The following ADAM22 variants were observed in gnomAD, a reference collection of about 807,000 sequenced individuals.
The protein encoded by ADAM22 is ADAM metallopeptidase domain 22, also known as disintegrin and metalloproteinase domain-containing protein 22.
Under a neutral mutation model 144.6 loss-of-function variants are expected in ADAM22, and 65 were observed. The ratio of observed to expected loss-of-function variants is 0.45; its 90% confidence interval spans 0.37 to 0.55. ADAM22 has a LOEUF of 0.55. Among genes scored for constraint, ADAM22 ranks in the 20% least tolerant of loss-of-function variants. The pLI is 0.00. For missense variants in ADAM22, 974 were observed against 1,184.9 expected, an observed-to-expected ratio of 0.82 and a Z score of 2.61; for synonymous variants, 391 against 412.6, an observed-to-expected ratio of 0.95 and a Z score of 0.63.
intron 26 of ADAM22, among the ~76,000 whole-genome samples, chr7:88,174,264 G>A (rs931287925): frequency 5.3e-5 from 8 of 151,784 alleles, no homozygotes; most frequent in African/African-American, 7.3e-5. Context: ...GCAGACCCAC[G>A]TTTTTTTTCT....
At chr7:88,021,071 TC>T (rs1797718580) in intron 3 of ADAM22, among the ~76,000 whole-genome samples, 1 of 152,184 alleles carries the variant, frequency 6.6e-6, no homozygotes, top group African/African-American at 2.4e-5. Flanking sequence ...CTAATTTTTC[TC>T]CTCTTATCTT....
At chr7:87,968,972 A>G (rs1235343263) in intron 2 of ADAM22, among the ~76,000 whole-genome samples, 1 of 152,134 alleles carries the variant, frequency 6.6e-6, no homozygotes, top group African/African-American at 2.4e-5. Flanking sequence ...GATGCTACAC[A>G]CTTTTAAACA....
chr7:88,159,118 A>G (rs181783120), intron 22 of ADAM22, among the ~76,000 whole-genome samples: 4 of 152,216 alleles, frequency 2.6e-5, no homozygotes, highest in African/African-American at 9.6e-5. Context: ...AGAGACTACT[A>G]CGAACACCTG....
chr7:88,024,279 T>C (rs1366819458), intron 3 of ADAM22, among the ~76,000 whole-genome samples: 3 of 152,216 alleles, frequency 2.0e-5, no homozygotes, highest in Non-Finnish European at 2.9e-5. Context: ...TTCTCCATAG[T>C]GGTCATACTA....
intron 3 of ADAM22, among the ~76,000 whole-genome samples, chr7:88,050,339 G>A (rs1370972783): frequency 1.3e-5 from 2 of 151,498 alleles, no homozygotes; most frequent in Admixed American, 6.6e-5. Flanking sequence ...GCTGCAGTGA[G>A]CCATGATTGT....
chr7:87,936,856 T>TTA (rs35158571), intron 2 of ADAM22, among the ~76,000 whole-genome samples: 20,476 of 148,790 alleles, frequency 0.14, 1,839 homozygotes, highest in Non-Finnish European at 0.2. Flanking sequence ...TGTATATATA[T>TTA]TATATATATA....
At chr7:88,068,459 A>G (rs904590569) in intron 3 of ADAM22, among the ~76,000 whole-genome samples, 1 of 152,140 alleles carries the variant, frequency 6.6e-6, no homozygotes, top group African/African-American at 2.4e-5. Flanking sequence ...GATTATAATC[A>G]TATTTGAAGT....
chr7:88,068,727 G>A (rs549045215), intron 3 of ADAM22, among the ~76,000 whole-genome samples: 3 of 152,266 alleles, frequency 2.0e-5, no homozygotes, highest in African/African-American at 7.2e-5. Context: ...CCTCAATCAC[G>A]TGTTTGGAAA....
chr7:88,009,922 A>G (rs902900620), intron 3 of ADAM22, among the ~76,000 whole-genome samples: 1 of 152,196 alleles, frequency 6.6e-6, no homozygotes, highest in East Asian at 1.9e-4. Flanking sequence ...TTTACTGTAC[A>G]CAATAGTGAT....
At chr7:87,965,592 A>G (rs1249931198) in intron 2 of ADAM22, among the ~76,000 whole-genome samples, 3 of 152,234 alleles carry the variant, frequency 2.0e-5, no homozygotes, top group African/African-American at 7.2e-5. Flanking sequence ...ATTTTGTACA[A>G]CATTATTTCC....
At chr7:88,151,089 G>C in intron 19 of ADAM22, 58 bp downstream of exon 19, 1 of 1,568,370 alleles carries the variant, frequency 6.4e-7, no homozygotes, top group East Asian at 2.2e-5. Flanking sequence ...AAGGAATACT[G>C]AAATCTTATC....
chr7:88,189,466 C>G (rs953047746), intron 30 of ADAM22, among the ~76,000 whole-genome samples: 17 of 152,218 alleles, frequency 1.1e-4, no homozygotes, highest in Middle Eastern at 3.4e-3. Context: ...TTCTTATTAC[C>G]TTTCTGTAGA....
chr7:88,087,812 T>A (rs1343599917), intron 4 of ADAM22, among the ~76,000 whole-genome samples: 1 of 152,206 alleles, frequency 6.6e-6, no homozygotes, highest in Non-Finnish European at 1.5e-5. Flanking sequence ...TAGGATTAGA[T>A]TCCTAATCCT....
intron 2 of ADAM22, among the ~76,000 whole-genome samples, chr7:87,955,957 C>T (rs1034859557): frequency 1.4e-4 from 21 of 152,320 alleles, no homozygotes; most frequent in South Asian, 4.1e-4. Context: ...TCTCCTGGTG[C>T]GCCGTTTCCT....
At chr7:88,096,598 T>A (rs1451117530) in intron 4 of ADAM22, among the ~76,000 whole-genome samples, 2 of 151,702 alleles carry the variant, frequency 1.3e-5, no homozygotes, top group Non-Finnish European at 2.9e-5. Flanking sequence ...AATTGTATAT[T>A]TGGTATTTTA....
In ADAM22 at chr7:88,148,949, TTCACACGTTGA is replaced by T; in HGVS notation, c.1486-26_1486-16del. The stretch of plus-strand genomic sequence containing the variant: ...TAAGATTTTTTTTTCTCCCTACAGT[TTCACACGTTGA>T]TTTTTGTTCATTTTAGTTTCAGCCT... On this transcript the variant is annotated splice_polypyrimidine_tract_variant and intron_variant, in intron 17 of 31. Transcript: ENST00000413139. 6.3e-7 allele frequency: 1 copy of T among 1,577,604 alleles called. No homozygotes were observed. Among genetic ancestry groups the T allele is most frequent in the African/African-American group, 1.3e-5 (1 of 74,134 alleles).
chr7:88,036,159 A>G (rs187153817), intron 3 of ADAM22, among the ~76,000 whole-genome samples: 1 of 152,196 alleles, frequency 6.6e-6, no homozygotes, highest in African/African-American at 2.4e-5. Context: ...TAATCTCTGC[A>G]TGGGTATTTA....
chr7:88,154,042 G>C (rs1310724086), intron 21 of ADAM22, among the ~76,000 whole-genome samples: 2 of 152,144 alleles, frequency 1.3e-5, no homozygotes, highest in Non-Finnish European at 2.9e-5. Context: ...AACACTGTGT[G>C]CTAAGCACTG....
chr7:88,084,074 C>G (rs987305763), intron 4 of ADAM22, among the ~76,000 whole-genome samples: 2 of 152,168 alleles, frequency 1.3e-5, no homozygotes, highest in Non-Finnish European at 2.9e-5. Flanking sequence ...CATTCACTAT[C>G]TATTTCTATC....
Sources: allele counts gnomAD v4.1 joint callset (sites outside exome capture counted in the v4.1 genomes callset), GRCh38; gene constraint gnomAD v4.1.1; transcripts MANE v1.5; gene names NCBI Gene and HGNC (gene_info 2026-07-23, HGNC 2026-07-21).